Variants in LRPPRC observed in about 807,000 individuals in gnomAD.
LRPPRC encodes the protein leucine-rich PPR motif-containing protein, mitochondrial.
Under a neutral mutation model 180.3 loss-of-function variants are expected in LRPPRC, and 120 were observed. The observed-to-expected ratio is 0.67, with a 90% CI of 0.57 to 0.77. The LOEUF (loss-of-function observed/expected upper bound fraction) is 0.77, where lower values mean the gene tolerates loss of function less well. Ranked by LOEUF, LRPPRC falls within the 30% of genes least tolerant of loss-of-function variation. The probability of loss-of-function intolerance (pLI) is 0.00; values close to 1 mark genes in which losing one functional copy is unlikely to be tolerated. For synonymous variants in LRPPRC, 723 were observed against 600.0 expected (o/e 1.21, Z -3.00); for missense variants, 2,012 against 1,657.2 (o/e 1.21, Z -3.72).
At chr2:43,938,304 G>C (rs776248455) in intron 23 of LRPPRC, among the ~76,000 whole-genome samples, 2 of 151,884 alleles carry the variant, frequency 1.3e-5, no homozygotes, top group African/African-American at 2.4e-5. Context: ...TATTTTGTTT[G>C]GTGCAAATTA....
chr2:43,975,020 G>A, intron 7 of LRPPRC, 71 bp downstream of exon 7: 3 of 1,483,922 alleles, frequency 2.0e-6, no homozygotes, highest in Non-Finnish European at 2.8e-6. Context: ...TCACTTTCCT[G>A]CCTCATGTAA....
chr2:43,931,810 T>A (rs1672097707), intron 25 of LRPPRC, among the ~76,000 whole-genome samples: 2 of 152,276 alleles, frequency 1.3e-5, no homozygotes, highest in South Asian at 4.1e-4. Context: ...TTTCTTCATC[T>A]GAAACCTCCA....
At chr2:43,947,051 A>T (rs1250825071) in intron 20 of LRPPRC, among the ~76,000 whole-genome samples, 2 of 152,118 alleles carry the variant, frequency 1.3e-5, no homozygotes, top group Non-Finnish European at 2.9e-5. Context: ...TTCACTTTGC[A>T]GATTATCGTA....
At chr2:43,917,797 T>C (rs866528073) in intron 29 of LRPPRC, among the ~76,000 whole-genome samples, 1 of 151,944 alleles carries the variant, frequency 6.6e-6, no homozygotes, top group Non-Finnish European at 1.5e-5. Context: ...TCAAAAAAAA[T>C]AATAAAAAGA....
chr2:43,971,989 C>A (rs199787290), intron 11 of LRPPRC, among the ~76,000 whole-genome samples: 1 of 147,322 alleles, frequency 6.8e-6, no homozygotes, highest in African/African-American at 2.6e-5. Context: ...AAAATTCACT[C>A]TCTTTTAGCA....
At chr2:43,946,365 T>C in intron 20 of LRPPRC, 122 bp from the exon 21 acceptor site, 1 of 746,874 alleles carries the variant, frequency 1.3e-6, no homozygotes. Context: ...AATGGTTTCA[T>C]GTTAACAACC....
chr2:43,896,795 A>G (rs1019225587), intron 34 of LRPPRC, 87 bp from the exon 35 acceptor site: 2 of 822,908 alleles, frequency 2.4e-6, no homozygotes, highest in Non-Finnish European at 2.1e-6. Context: ...AAAGTTCACA[A>G]TAATACAGTA....
At chr2:43,925,720 A>G (rs570411691) in intron 26 of LRPPRC, among the ~76,000 whole-genome samples, 173 bp downstream of exon 26, 14 of 152,298 alleles carry the variant, frequency 9.2e-5, no homozygotes, top group African/African-American at 2.9e-4. Context: ...TAGGGTTTCT[A>G]CTGCACCTCA....
At chr2:43,939,844 A>G (rs1672416071) in intron 23 of LRPPRC, among the ~76,000 whole-genome samples, 1 of 152,240 alleles carries the variant, frequency 6.6e-6, no homozygotes, top group African/African-American at 2.4e-5. Flanking sequence ...TCACATGTCA[A>G]GTGCTTTCCA....
At chr2:43,893,073 A>T (rs528490351) in intron 36 of LRPPRC, among the ~76,000 whole-genome samples, 1 of 152,324 alleles carries the variant, frequency 6.6e-6, no homozygotes, top group East Asian at 1.9e-4. Context: ...TAGCAAGACA[A>T]CTAGAAGGAG....
Position 43,901,512 on chromosome 2 carries a change from G to A in LRPPRC, c.3377C>T (p.Thr1126Ile). Residue 1126 changes from threonine (T) to isoleucine (I), a missense_variant, in exon 32 of 38, where the codon ACA becomes ATA. Transcript: ENST00000260665. The stretch of plus-strand genomic sequence containing the variant: ...CTGCTGATCCAATACTGTTTTCAGT[G>A]TTGTCACAGCCTCTAAAATACAAGA... ...RRDYLKEAVTTLKTVLDQQQT... is the reference protein window; with the variant it reads ...RRDYLKEAVTILKTVLDQQQT... 1 of 1,610,576 alleles carries A rather than the reference G, an allele frequency of 6.2e-7. No individual in the cohort carries two copies. The highest frequency in any genetic ancestry group is 8.5e-7 in the Non-Finnish European group (1 of 1,176,760).
intron 14 of LRPPRC, among the ~76,000 whole-genome samples, chr2:43,955,382 T>C (rs1673066171): frequency 6.6e-6 from 1 of 150,446 alleles, no homozygotes; most frequent in South Asian, 2.1e-4. Flanking sequence ...AGCAGGAGGA[T>C]TACTTGAGCT....
chr2:43,905,596 G>A, intron 31 of LRPPRC, 96 bp downstream of exon 31: 3 of 875,688 alleles, frequency 3.4e-6, no homozygotes, highest in Non-Finnish European at 5.9e-6. Flanking sequence ...CAGGTAATTT[G>A]CTAAATGGAC....
chr2:43,899,335 C>T lies in LRPPRC; in HGVS notation c.3710-1G>A. On this transcript the variant is annotated splice_acceptor_variant, in intron 33 of 37. Transcript: ENST00000260665. LOFTEE classifies it high-confidence loss of function. Reference sequence around the variant, plus strand: ...GCCAATCTCTCCGCCATGATGCTTACTGGAAAAATGACAGGTAAGAAAAAT... The same window carrying T: ...GCCAATCTCTCCGCCATGATGCTTATTGGAAAAATGACAGGTAAGAAAAAT... 6.2e-7 allele frequency: 1 copy of T among 1,612,764 alleles called. No individual in the cohort carries two copies. Among genetic ancestry groups the T allele is most frequent in the Non-Finnish European group, 8.5e-7 (1 of 1,178,754 alleles).
At chr2:43,924,921 A>G in intron 27 of LRPPRC, 146 bp downstream of exon 27, 1 of 657,750 alleles carries the variant, frequency 1.5e-6, no homozygotes, top group Admixed American at 2.4e-5. Context: ...TCTGTGATAA[A>G]ATTCAATCTA....
rs953118262 is a variant in LRPPRC, at chr2:43,995,844, T to A, written c.104A>T (p.His35Leu). 6.2e-6 allele frequency: 9 copies of A among 1,460,436 alleles called. No homozygotes were observed. The highest frequency in any genetic ancestry group is 1.5e-5 in the African/African-American group (1 of 67,638). The allele number at this position is 1,460,436 out of a possible 1,614,324, so 90.5% of individuals were successfully genotyped here. A position where few individuals can be genotyped will look rare whatever the true frequency, so the allele number is the denominator to read the frequency against. ...AGCGGCGGGCAGATAGGAGGCGGCA[T>A]GCAGCCGGCCCGGGCCGCCAGGGAG... ...RLLPGGPGRL[H>L]AASYLPAARA... Residue 35 changes from histidine (H) to leucine (L), a missense_variant, in exon 1 of 38, where the codon CAT becomes CTT. Transcript: ENST00000260665.
intron 30 of LRPPRC, among the ~76,000 whole-genome samples, chr2:43,909,446 G>T (rs1671179159): frequency 6.6e-6 from 1 of 152,016 alleles, no homozygotes; most frequent in South Asian, 2.1e-4. Flanking sequence ...TGGGAGGAGG[G>T]GAAATGAGGA....
At chr2:43,905,631 C>T (rs976885090) in intron 31 of LRPPRC, 61 bp downstream of exon 31, 65 of 1,166,666 alleles carry the variant, frequency 5.6e-5, no homozygotes, top group Non-Finnish European at 8.3e-5. Context: ...ATTCGAAGGG[C>T]GTTACAAGAA....
intron 11 of LRPPRC, among the ~76,000 whole-genome samples, chr2:43,971,111 A>T (rs570165519): frequency 2.6e-4 from 39 of 151,994 alleles, no homozygotes; most frequent in African/African-American, 8.9e-4. Context: ...AAAAAAAAAA[A>T]AAGCAAGTTC....
Sources: gnomAD v4.1 joint callset for allele counts (sites outside exome capture counted in the v4.1 genomes callset) on GRCh38, gnomAD v4.1.1 for gene constraint, MANE v1.5 for transcripts, NCBI Gene and HGNC (gene_info 2026-07-23, HGNC 2026-07-21) for gene names.